The following COMMD7 variants were observed in gnomAD, a reference collection of about 807,000 sequenced individuals.
COMMD7 encodes the protein COMM domain containing 7.
In COMMD7, 28 loss-of-function variants were observed where a neutral mutation model predicts 34.8. The ratio of observed to expected loss-of-function variants is 0.80; its 90% CI spans 0.60 to 1.10. The LOEUF is 1.10. Among genes scored for constraint, COMMD7 ranks in the 50% least tolerant of loss-of-function variants. The pLI is 0.00. For missense variants in COMMD7, 211 were observed against 241.6 expected, an observed-to-expected ratio of 0.87 and a Z score of 0.84; for synonymous variants, 80 against 86.4, an observed-to-expected ratio of 0.93 and a Z score of 0.41.
chr20:32,704,141 T>C, intron 7 of COMMD7, 70 bp from the exon 8 acceptor site: 1 of 1,304,416 alleles, frequency 7.7e-7, no homozygotes, highest in African/African-American at 1.5e-5. Flanking sequence ...TTAAAACCCT[T>C]TGACTTAATT....
At chr20:32,725,628 C>T (rs1252861190) in intron 3 of COMMD7, among the ~76,000 whole-genome samples, 1 of 151,956 alleles carries the variant, frequency 6.6e-6, no homozygotes, top group East Asian at 1.9e-4. Flanking sequence ...CAGGGTTTCA[C>T]CGTGTTAGCC....
intron 5 of COMMD7, among the ~76,000 whole-genome samples, chr20:32,706,138 C>T (rs577495053): frequency 1.4e-3 from 205 of 149,526 alleles, no homozygotes; most frequent in African/African-American, 4.6e-3. Flanking sequence ...GTGGAGGTTG[C>T]AGTGAGCCGA....
At chr20:32,716,990 C>T (rs1984830265) in intron 3 of COMMD7, among the ~76,000 whole-genome samples, 1 of 152,048 alleles carries the variant, frequency 6.6e-6, no homozygotes, top group Non-Finnish European at 1.5e-5. Context: ...CACCAACATG[C>T]TCGACTAATT....
chr20:32,708,138 G>GTTTT (rs1984210431), intron 3 of COMMD7, among the ~76,000 whole-genome samples: 1 of 152,110 alleles, frequency 6.6e-6, no homozygotes, highest in African/African-American at 2.4e-5. Context: ...ACTTCCCTGT[G>GTTTT]GTGGTCACCT....
At chr20:32,743,074 A>G (rs1373667829) in intron 1 of COMMD7, among the ~76,000 whole-genome samples, 1 of 151,678 alleles carries the variant, frequency 6.6e-6, no homozygotes, top group Non-Finnish European at 1.5e-5. Flanking sequence ...AGCCTTTCGG[A>G]CCCCTCAGGT....
At chr20:32,714,243 A>G (rs1984640771) in intron 3 of COMMD7, among the ~76,000 whole-genome samples, 1 of 152,210 alleles carries the variant, frequency 6.6e-6, no homozygotes, top group Non-Finnish European at 1.5e-5. Flanking sequence ...ACTTATGACT[A>G]CATTTCATTG....
chr20:32,731,553 C>T (rs1304836719), intron 1 of COMMD7, among the ~76,000 whole-genome samples: 5 of 152,034 alleles, frequency 3.3e-5, no homozygotes, highest in Non-Finnish European at 7.4e-5. Context: ...AAAGCCCTGC[C>T]AAGAAACCAT....
chr20:32,737,836 T>C (rs962730878), intron 1 of COMMD7, among the ~76,000 whole-genome samples: 5 of 49,998 alleles, frequency 1.0e-4, no homozygotes, highest in Non-Finnish European at 2.2e-4. Flanking sequence ...AGGTCCTGTC[T>C]TAAAAAAAAA....
In COMMD7 at chr20:32,729,518, C is replaced by T. The variant is rs527327693; in HGVS notation, c.85-1376G>A. Among the ~76,000 whole-genome samples, 99 of 151,568 alleles carry T rather than the reference C, an allele frequency of 6.5e-4. 1 individual carries two copies. The highest frequency in any genetic ancestry group is 1.3e-3 in the Admixed American group (20 of 15,152). On this transcript the variant is annotated intron_variant, in intron 1 of 8. Coordinates refer to ENST00000278980, the MANE Select transcript of COMMD7 (RefSeq NM_053041.3). ...GGAAGAGGCCAGGTGCAGTGGCTCA[C>T]GCCTGTAATCCCAGCATTTTGGGAG...
chr20:32,741,009 G>GGC (rs1986410822), intron 1 of COMMD7, among the ~76,000 whole-genome samples: 1 of 151,832 alleles, frequency 6.6e-6, no homozygotes, highest in Non-Finnish European at 1.5e-5. Flanking sequence ...CAGGCATGGT[G>GGC]GTGCACGCCT....
At position 32,703,796 on chromosome 20, in the gene COMMD7, C is replaced by T. The variant is rs533844927; in HGVS notation, c.526+227G>A. 2.5e-4 allele frequency: 383 copies of T among 1,529,390 alleles called. No individual in the cohort carries two copies. The African/African-American group carries it at 4.9e-3, about 20-fold the overall frequency. The allele number at this position is 1,529,390 out of a possible 1,614,324, so 94.7% of individuals were successfully genotyped here. A position where few individuals can be genotyped will look rare whatever the true frequency, so the allele number is the denominator to read the frequency against. ...CAATCCCAGCCATTCCGTTCCCACC[C>T]TTTCCCTTTTTCAAAACGGCTCTTC... On this transcript the variant is annotated intron_variant, in intron 8 of 8. Coordinates refer to ENST00000278980, the MANE Select transcript of COMMD7 (RefSeq NM_053041.3).
chr20:32,715,658 T>C (rs946646309), intron 3 of COMMD7, among the ~76,000 whole-genome samples: 10 of 151,094 alleles, frequency 6.6e-5, no homozygotes, highest in African/African-American at 1.7e-4. Flanking sequence ...AATACAAAAA[T>C]CAGCCAGGAG....
In COMMD7 at chr20:32,703,256, C is replaced by T; in HGVS notation, c.*126G>A. On this transcript the variant is annotated 3_prime_UTR_variant, in exon 9 of 9. Coordinates refer to ENST00000278980, the MANE Select transcript of COMMD7 (RefSeq NM_053041.3). ...TTTTCAGAAACCCTTTGCACCTGGG[C>T]CCCATGGAGCCAGCAGGGCCCCATG... 3.9e-6 allele frequency: 3 copies of T among 774,766 alleles called. No homozygotes were observed. Among genetic ancestry groups the T allele is most frequent in the Non-Finnish European group, 6.3e-6 (3 of 476,178 alleles). 48.0% of individuals were successfully genotyped at this position (774,766 alleles called of 1,614,324 possible).
chr20:32,743,308 C>A lies in COMMD7; in HGVS notation c.84G>T (p.Gln28His), dbSNP rs1986541034. 4 of 1,517,312 alleles carry A rather than the reference C, an allele frequency of 2.6e-6. No homozygotes were observed. Among genetic ancestry groups the A allele is most frequent in the Non-Finnish European group, 3.5e-6 (4 of 1,139,058 alleles). 94.0% of individuals were successfully genotyped at this position (1,517,312 alleles called of 1,614,324 possible). A position where few individuals can be genotyped will look rare whatever the true frequency, so the allele number is the denominator to read the frequency against. Residue 28 changes from glutamine (Q) to histidine (H), a missense_variant and splice_region_variant, in exon 1 of 9, where the codon CAG becomes CAT. Coordinates refer to ENST00000278980, the MANE Select transcript of COMMD7 (RefSeq NM_053041.3). ...DMQQLNQLGA[Q>H]QFSALTEVLF... The stretch of plus-strand genomic sequence containing the variant: ...CCCCACGCCCCGCCGCCGGGCCCAC[C>A]TGCGCGCCCAGCTGGTTCAGCTGCT...
intron 3 of COMMD7, among the ~76,000 whole-genome samples, chr20:32,707,412 T>C (rs1209343697): frequency 2.6e-5 from 4 of 151,460 alleles, no homozygotes; most frequent in South Asian, 2.1e-4. Flanking sequence ...CTACACCTCC[T>C]GGGTTCAAGT....
intron 1 of COMMD7, among the ~76,000 whole-genome samples, chr20:32,729,288 C>T (rs1374979289): frequency 1.3e-5 from 2 of 151,628 alleles, no homozygotes; most frequent in East Asian, 3.9e-4. Flanking sequence ...CCTGCCTCAG[C>T]CTCCCGAGCA....
At chr20:32,704,612 G>A in intron 6 of COMMD7, 123 bp from the exon 7 acceptor site, 1 of 1,036,914 alleles carries the variant, frequency 9.6e-7, no homozygotes, top group Non-Finnish European at 1.4e-6. Flanking sequence ...GCAAGTATGA[G>A]GGCAGCAAGG....
At chr20:32,723,148 G>A (rs1161544419) in intron 3 of COMMD7, among the ~76,000 whole-genome samples, 1 of 36,240 alleles carries the variant, frequency 2.8e-5, no homozygotes, top group Non-Finnish European at 6.2e-5. Context: ...CTCCGTCTCC[G>A]TCTCCGTCTC....
intron 1 of COMMD7, among the ~76,000 whole-genome samples, chr20:32,739,112 G>A (rs1022158636): frequency 1.3e-5 from 2 of 152,020 alleles, no homozygotes; most frequent in African/African-American, 4.8e-5. Flanking sequence ...TATTAATATC[G>A]TATAATAGCT....
Sources: allele counts gnomAD v4.1 joint callset (sites outside exome capture counted in the v4.1 genomes callset), GRCh38; gene constraint gnomAD v4.1.1; transcripts MANE v1.5; gene names NCBI Gene and HGNC (gene_info 2026-07-23, HGNC 2026-07-21).